Variants in C1orf105 observed in about 807,000 individuals in gnomAD.
C1orf105 encodes uncharacterized protein C1orf105.
In C1orf105, 17 loss-of-function variants were observed where a neutral mutation model predicts 20.8. The ratio of observed to expected loss-of-function variants is 0.82; its 90% CI spans 0.56 to 1.23. C1orf105 has a LOEUF of 1.23. Among genes scored for constraint, C1orf105 ranks in the 50% most tolerant of loss-of-function variants. The probability of loss-of-function intolerance (pLI) is 0.00; values close to 1 mark genes in which losing one functional copy is unlikely to be tolerated. For missense variants in C1orf105, 219 were observed against 213.5 expected, an observed-to-expected ratio of 1.03 and a Z score of -0.16; for synonymous variants, 72 against 72.1, an observed-to-expected ratio of 1.00 and a Z score of 0.01.
chr1:172,467,395 A>C (rs531228439), intron 6 of C1orf105, among the ~76,000 whole-genome samples: 23 of 152,316 alleles, frequency 1.5e-4, no homozygotes, highest in African/African-American at 5.1e-4. Context: ...AACTAAGGAA[A>C]TAGAAAGAAC....
chr1:172,431,926 CAAG>C (rs991947302), intron 1 of C1orf105, among the ~76,000 whole-genome samples: 3 of 152,260 alleles, frequency 2.0e-5, no homozygotes, highest in African/African-American at 7.2e-5. Flanking sequence ...AACCGGCAGA[CAAG>C]GAGATTCTCT....
chr1:172,431,919 C>T (rs1031878855), intron 1 of C1orf105, among the ~76,000 whole-genome samples: 1 of 152,238 alleles, frequency 6.6e-6, no homozygotes, highest in Non-Finnish European at 1.5e-5. Context: ...TCTTAGCAAC[C>T]GGCAGACAAG....
chr1:172,425,380 T>C (rs1479255518), intron 1 of C1orf105, among the ~76,000 whole-genome samples: 1 of 152,212 alleles, frequency 6.6e-6, no homozygotes, highest in Non-Finnish European at 1.5e-5. Flanking sequence ...GAAAATGATG[T>C]TTTAATTTTT....
At chr1:172,435,717 T>C (rs911392258) in intron 1 of C1orf105, among the ~76,000 whole-genome samples, 2 of 152,166 alleles carry the variant, frequency 1.3e-5, no homozygotes, top group African/African-American at 4.8e-5. Flanking sequence ...ATCACTCCTA[T>C]TCAACATAGT....
chr1:172,453,099 TC>T, intron 3 of C1orf105: 1 of 1,550,872 alleles, frequency 6.4e-7, no homozygotes, highest in Non-Finnish European at 8.7e-7. Context: ...ACAGCTGCCT[TC>T]CACGACTCTT....
At chr1:172,437,911 A>G (rs2072095259) in intron 1 of C1orf105, among the ~76,000 whole-genome samples, 1 of 152,156 alleles carries the variant, frequency 6.6e-6, no homozygotes, top group Non-Finnish European at 1.5e-5. Context: ...TCTGGCTTCA[A>G]AGGACAGGCT....
intron 1 of C1orf105, chr1:172,444,159 T>A: frequency 1.0e-6 from 1 of 987,740 alleles, no homozygotes; most frequent in Non-Finnish European, 1.2e-6. Flanking sequence ...TGCCCCCTCC[T>A]GGCTGCTCGA....
chr1:172,443,413 A>C (rs1647558363), intron 1 of C1orf105: 1 of 166,964 alleles, frequency 6.0e-6, no homozygotes, highest in Non-Finnish European at 1.5e-5. Context: ...CACCATACAG[A>C]AAGGTATGAG....
rs111478429 is a variant in C1orf105 at position 172,468,611 on chromosome 1, A to G, written c.*17A>G. On this transcript the variant is annotated 3_prime_UTR_variant, in exon 7 of 7. Coordinates refer to ENST00000367727, the MANE Select transcript of C1orf105 (RefSeq NM_139240.4). ...AGGCAGTGAGCGGTAGGAGCTCATC[A>G]CCTCCCAGACTCCCAGAGAGAAAAT... 5.6e-6 allele frequency: 9 copies of G among 1,607,318 alleles called. No homozygotes were observed. Among genetic ancestry groups the G allele is most frequent in the Non-Finnish European group, 6.8e-6 (8 of 1,176,190 alleles).
At chr1:172,421,540 T>C (rs1173772744) in intron 1 of C1orf105, among the ~76,000 whole-genome samples, 3 of 152,166 alleles carry the variant, frequency 2.0e-5, no homozygotes, top group African/African-American at 4.8e-5. Flanking sequence ...AATACCCTGA[T>C]GAACCCATGA....
At chr1:172,460,412 T>A (rs936510283) in intron 4 of C1orf105, among the ~76,000 whole-genome samples, 1 of 151,926 alleles carries the variant, frequency 6.6e-6, no homozygotes, top group Admixed American at 6.6e-5. Flanking sequence ...CTAGGCTGTG[T>A]TTCATCATGT....
intron 3 of C1orf105, among the ~76,000 whole-genome samples, chr1:172,451,406 C>T (rs1403053624): frequency 1.3e-5 from 2 of 152,180 alleles, no homozygotes. Context: ...AGAGGCATAG[C>T]TGGGGAAGAT....
chr1:172,463,446 T>C (rs866505539), intron 5 of C1orf105, among the ~76,000 whole-genome samples: 1 of 152,208 alleles, frequency 6.6e-6, no homozygotes. Flanking sequence ...ACTGAAAACA[T>C]GCACCCAGTT....
intron 1 of C1orf105, among the ~76,000 whole-genome samples, chr1:172,428,301 T>C (rs966009040): frequency 3.3e-5 from 5 of 152,222 alleles, no homozygotes; most frequent in Admixed American, 6.5e-5. Flanking sequence ...TGTCTACTCT[T>C]GCCCTACAGC....
At chr1:172,454,759 T>G (rs1649051518) in intron 3 of C1orf105, among the ~76,000 whole-genome samples, 1 of 152,084 alleles carries the variant, frequency 6.6e-6, no homozygotes, top group South Asian at 2.1e-4. Flanking sequence ...CCAGTTAAGC[T>G]CAATGACCCC....
At chr1:172,435,395 C>A (rs2072007453) in intron 1 of C1orf105, among the ~76,000 whole-genome samples, 1 of 152,126 alleles carries the variant, frequency 6.6e-6, no homozygotes, top group South Asian at 2.1e-4. Flanking sequence ...AGCTTATCCA[C>A]CACGATCAAG....
At chr1:172,444,107 G>C in intron 1 of C1orf105, 1 of 993,968 alleles carries the variant, frequency 1.0e-6, no homozygotes, top group Non-Finnish European at 1.2e-6. Context: ...TCTCCTTAGC[G>C]AGGGCACCCT....
In C1orf105 at chr1:172,452,740, C is replaced by T. The variant is rs892044623; in HGVS notation, c.199-3675C>T. On this transcript the variant is annotated intron_variant, in intron 3 of 6. Coordinates refer to ENST00000367727, the MANE Select transcript of C1orf105 (RefSeq NM_139240.4). ...GGACTGGCTGAAATCTGCATCATAC[C>T]TTGGCCAGGCTACACATAGGTTGCT... 3.1e-6 allele frequency: 3 copies of T among 979,496 alleles called. No homozygotes were observed. In the East Asian group the frequency reaches 3.4e-4, roughly 111 times the overall value. 60.7% of individuals were successfully genotyped at this position (979,496 alleles called of 1,614,324 possible). A position where few individuals can be genotyped will look rare whatever the true frequency, so the allele number is the denominator to read the frequency against.
At chr1:172,434,802 A>G (rs1312380231) in intron 1 of C1orf105, among the ~76,000 whole-genome samples, 1 of 152,238 alleles carries the variant, frequency 6.6e-6, no homozygotes, top group Non-Finnish European at 1.5e-5. Flanking sequence ...AAATCAATGA[A>G]TCCAGGAGCT....
Sources: gnomAD v4.1 joint callset for allele counts (sites outside exome capture counted in the v4.1 genomes callset) on GRCh38, gnomAD v4.1.1 for gene constraint, MANE v1.5 for transcripts, NCBI Gene and HGNC (gene_info 2026-07-23, HGNC 2026-07-21) for gene names.